The following HECTD2 variants were observed in gnomAD, a reference collection of about 807,000 sequenced individuals.
HECTD2 encodes the protein HECT domain E3 ubiquitin protein ligase 2, also known as probable E3 ubiquitin-protein ligase HECTD2.
In HECTD2, 35 loss-of-function variants were observed where a neutral mutation model predicts 103.2. The observed-to-expected ratio is 0.34, with a 90% CI of 0.26 to 0.45. The LOEUF (loss-of-function observed/expected upper bound fraction) is 0.45, where lower values mean the gene tolerates loss of function less well. Among genes scored for constraint, HECTD2 ranks in the 20% least tolerant of loss-of-function variants. HECTD2 has a pLI of 1.00. For missense variants in HECTD2, 596 were observed against 937.4 expected, an observed-to-expected ratio of 0.64 and a Z score of 4.76; for synonymous variants, 281 against 329.9, an observed-to-expected ratio of 0.85 and a Z score of 1.61.
At chr10:91,411,999 T>C (rs1446928777) in intron 1 of HECTD2, among the ~76,000 whole-genome samples, 1 of 136,886 alleles carries the variant, frequency 7.3e-6, no homozygotes, top group African/African-American at 3.7e-5. Context: ...CAAAAACCTA[T>C]TCATCTCATA....
Position 91,512,690 on chromosome 10 carries a change from C to T in HECTD2, c.*306C>T, listed in dbSNP as rs935110757. On this transcript the variant is annotated 3_prime_UTR_variant, in exon 21 of 21. Transcript: ENST00000298068. ...TGTCACAGGCATTCCACTGGGAAAG[C>T]AAAGTACAGTGAAGAATGAATTTAT... 4 of 268,262 alleles carry T rather than the reference C, an allele frequency of 1.5e-5. No individual in the cohort carries two copies. Among genetic ancestry groups the T allele is most frequent in the African/African-American group, 2.2e-5 (1 of 44,594 alleles). 16.6% of individuals were successfully genotyped at this position (268,262 alleles called of 1,614,324 possible). A position where few individuals can be genotyped will look rare whatever the true frequency, so the allele number is the denominator to read the frequency against.
At chr10:91,485,541 AGGT>A (rs1270416009) in intron 10 of HECTD2, 42 of 362,162 alleles carry the variant, frequency 1.2e-4, no homozygotes, top group Non-Finnish European at 1.6e-4. Context: ...AAGAAGGGAG[AGGT>A]TCTATCTTAA....
chr10:91,416,987 T>C (rs1276973929), intron 1 of HECTD2, among the ~76,000 whole-genome samples: 2 of 152,230 alleles, frequency 1.3e-5, no homozygotes, highest in Non-Finnish European at 2.9e-5. Flanking sequence ...GTACAGATAC[T>C]ATTGCCAGAG....
At chr10:91,477,430 G>T (rs1336352961) in intron 5 of HECTD2, among the ~76,000 whole-genome samples, 2 of 152,198 alleles carry the variant, frequency 1.3e-5, no homozygotes, top group African/African-American at 4.8e-5. Flanking sequence ...CAGCACATTT[G>T]TTTGGTTTTT....
At chr10:91,462,536 C>A in intron 5 of HECTD2, 1 of 1,047,750 alleles carries the variant, frequency 9.5e-7, no homozygotes, top group Non-Finnish European at 1.2e-6. Flanking sequence ...ACAAGAAGGG[C>A]TTGTTAAAAT....
chr10:91,466,565 C>G (rs1845539178), intron 5 of HECTD2, among the ~76,000 whole-genome samples: 1 of 152,126 alleles, frequency 6.6e-6, no homozygotes, highest in South Asian at 2.1e-4. Flanking sequence ...CTAAACACTG[C>G]TTTTGCTATA....
At chr10:91,430,037 C>G (rs1199958620) in intron 2 of HECTD2, among the ~76,000 whole-genome samples, 1 of 152,174 alleles carries the variant, frequency 6.6e-6, no homozygotes, top group African/African-American at 2.4e-5. Context: ...TTTCCCTCTA[C>G]ACACTGCTTT....
chr10:91,451,209 A>G (rs1405421759), intron 2 of HECTD2, among the ~76,000 whole-genome samples: 6 of 152,190 alleles, frequency 3.9e-5, no homozygotes, highest in Admixed American at 2.6e-4. Flanking sequence ...GGATGAGTTC[A>G]TGTCCTTTGC....
rs1054526743 is a variant in HECTD2, at chr10:91,492,334, TATA to T, written c.1300-14_1300-12del. On this transcript the variant is annotated splice_polypyrimidine_tract_variant and intron_variant, in intron 12 of 20. Coordinates refer to ENST00000298068, the MANE Select transcript of HECTD2 (RefSeq NM_182765.6). ...CACTGCTCTTTGTTCTCCTCTACTG[TATA>T]ATATCTTCAAATAGCTAACCCGGAA... 1 of 1,606,490 alleles carries T rather than the reference TATA, an allele frequency of 6.2e-7. No individual in the cohort carries two copies. Among genetic ancestry groups the T allele is most frequent in the Non-Finnish European group, 8.5e-7 (1 of 1,173,418 alleles).
At chr10:91,498,734 G>T (rs1846777436) in intron 16 of HECTD2, 138 bp from the exon 17 acceptor site, 4 of 593,790 alleles carry the variant, frequency 6.7e-6, no homozygotes, top group Non-Finnish European at 1.2e-5. Flanking sequence ...TACAAATATT[G>T]CAAGAGCTTA....
At chr10:91,484,065 C>A (rs1846185179) in intron 8 of HECTD2, 1 of 380,440 alleles carries the variant, frequency 2.6e-6, no homozygotes, top group Admixed American at 4.4e-5. Context: ...AGGACACTTG[C>A]AAAGAGAGAG....
At chr10:91,425,473 C>T in intron 2 of HECTD2, 63 bp downstream of exon 2, 2 of 1,229,634 alleles carry the variant, frequency 1.6e-6, no homozygotes, top group Non-Finnish European at 2.2e-6. Flanking sequence ...TAAAAGTAGA[C>T]ATTAATTATT....
intron 20 of HECTD2, among the ~76,000 whole-genome samples, chr10:91,502,880 C>T (rs752881488): frequency 6.6e-6 from 1 of 152,058 alleles, no homozygotes; most frequent in African/African-American, 2.4e-5. Flanking sequence ...AATCTAGAAC[C>T]TCTAGGATTC....
intron 1 of HECTD2, among the ~76,000 whole-genome samples, chr10:91,422,068 C>T (rs748465110): frequency 6.6e-6 from 1 of 152,118 alleles, no homozygotes; most frequent in Non-Finnish European, 1.5e-5. Context: ...TAGACTGCTA[C>T]CATAGTGATT....
intron 2 of HECTD2, among the ~76,000 whole-genome samples, chr10:91,437,955 T>A (rs527960861): frequency 7.2e-5 from 11 of 152,094 alleles, no homozygotes; most frequent in South Asian, 2.1e-4. Context: ...ACACTTTTTT[T>A]AAAAAAACAA....
chr10:91,508,650 A>G (rs1280898077), intron 20 of HECTD2, among the ~76,000 whole-genome samples: 1 of 148,550 alleles, frequency 6.7e-6, no homozygotes, highest in Non-Finnish European at 1.5e-5. Flanking sequence ...ATGTGGAGAA[A>G]TAGGAACACT....
intron 5 of HECTD2, among the ~76,000 whole-genome samples, chr10:91,474,805 G>A (rs1462611337): frequency 6.6e-6 from 1 of 152,152 alleles, no homozygotes; most frequent in African/African-American, 2.4e-5. Flanking sequence ...GAGAAGATAG[G>A]GCAATGTAAT....
At chr10:91,444,808 G>C (rs1375735069) in intron 2 of HECTD2, among the ~76,000 whole-genome samples, 1 of 152,132 alleles carries the variant, frequency 6.6e-6, no homozygotes, top group East Asian at 1.9e-4. Flanking sequence ...CTGCAATACA[G>C]AATATCATAA....
chr10:91,500,683 T>A (rs1846865904), intron 19 of HECTD2, 66 bp downstream of exon 19: 4 of 770,028 alleles, frequency 5.2e-6, no homozygotes, highest in Non-Finnish European at 9.1e-6. Flanking sequence ...GTGGTTCATT[T>A]ATTTGCATAA....
Sources: gnomAD v4.1 joint callset for allele counts (sites outside exome capture counted in the v4.1 genomes callset) on GRCh38, gnomAD v4.1.1 for gene constraint, MANE v1.5 for transcripts, NCBI Gene and HGNC (gene_info 2026-07-23, HGNC 2026-07-21) for gene names.